The following CNTNAP2 variants were observed in gnomAD, a reference collection of about 807,000 sequenced individuals.
CNTNAP2 encodes the protein contactin-associated protein-like 2.
In CNTNAP2, 98 loss-of-function variants were observed where a neutral mutation model predicts 155.2. The ratio of observed to expected loss-of-function variants is 0.63; its 90% CI spans 0.54 to 0.75. The LOEUF is 0.75. Ranked by LOEUF, CNTNAP2 falls within the 30% of genes least tolerant of loss-of-function variation. The pLI, the probability that CNTNAP2 is intolerant of heterozygous loss-of-function variation, is 0.00. For missense variants in CNTNAP2, 1,727 were observed against 1,688.1 expected, an observed-to-expected ratio of 1.02 and a Z score of -0.40; for synonymous variants, 651 against 631.2, an observed-to-expected ratio of 1.03 and a Z score of -0.47.
intron 13 of CNTNAP2, among the ~76,000 whole-genome samples, chr7:147,675,208 C>T (rs1018941436): frequency 6.6e-6 from 1 of 151,990 alleles, no homozygotes; most frequent in Non-Finnish European, 1.5e-5. Flanking sequence ...TTCACAAGGC[C>T]TTCCATTCAG....
chr7:146,513,535 A>G (rs183494473), intron 1 of CNTNAP2, among the ~76,000 whole-genome samples: 1 of 150,110 alleles, frequency 6.7e-6, no homozygotes, highest in Admixed American at 6.6e-5. Flanking sequence ...ATTAACTTTG[A>G]TAACAAAGAA....
chr7:147,350,625 G>A (rs940720886), intron 9 of CNTNAP2, among the ~76,000 whole-genome samples: 2 of 151,792 alleles, frequency 1.3e-5, no homozygotes, highest in Admixed American at 1.3e-4. Context: ...AAGTCAATGA[G>A]TTTTTCTGCT....
intron 18 of CNTNAP2, among the ~76,000 whole-genome samples, chr7:148,187,143 C>A (rs1300486768): frequency 7.1e-6 from 1 of 141,744 alleles, no homozygotes; most frequent in Admixed American, 7.4e-5. Flanking sequence ...CACACACACA[C>A]ACACAAACAG....
At chr7:147,773,522 G>A (rs765712876) in intron 13 of CNTNAP2, among the ~76,000 whole-genome samples, 5 of 152,120 alleles carry the variant, frequency 3.3e-5, no homozygotes, top group Non-Finnish European at 5.9e-5. Flanking sequence ...TGAAATTAAA[G>A]ATAAATGTGC....
At chr7:146,590,503 C>T (rs568792347) in intron 1 of CNTNAP2, among the ~76,000 whole-genome samples, 1 of 152,082 alleles carries the variant, frequency 6.6e-6, no homozygotes, top group Non-Finnish European at 1.5e-5. Context: ...GAAAACTCCA[C>T]CCTCCAACTC....
chr7:146,829,723 G>T (rs537095262), intron 2 of CNTNAP2, among the ~76,000 whole-genome samples: 6 of 152,164 alleles, frequency 3.9e-5, no homozygotes, highest in African/African-American at 1.4e-4. Flanking sequence ...AAGAGTGGAA[G>T]ATGGAATTTA....
intron 8 of CNTNAP2, among the ~76,000 whole-genome samples, chr7:147,284,405 ACGGCTC>A (rs1168437221): frequency 6.6e-6 from 1 of 151,826 alleles, no homozygotes; most frequent in African/African-American, 2.4e-5. Flanking sequence ...AGTATATCAC[ACGGCTC>A]TCCTGTCTTA....
At chr7:147,653,031 T>A (rs1186751807) in intron 13 of CNTNAP2, among the ~76,000 whole-genome samples, 1 of 152,186 alleles carries the variant, frequency 6.6e-6, no homozygotes, top group Non-Finnish European at 1.5e-5. Flanking sequence ...TATAACAATT[T>A]GTTTGAAATG....
chr7:148,028,845 A>G (rs1340870935), intron 15 of CNTNAP2, among the ~76,000 whole-genome samples: 2 of 152,146 alleles, frequency 1.3e-5, no homozygotes, highest in Non-Finnish European at 2.9e-5. Flanking sequence ...ATTCTACAGT[A>G]TGAAGCCGTG....
intron 13 of CNTNAP2, among the ~76,000 whole-genome samples, chr7:147,696,131 A>G (rs569151194): frequency 4.6e-5 from 7 of 152,290 alleles, no homozygotes; most frequent in Non-Finnish European, 8.8e-5. Context: ...ATTCAGTCTG[A>G]CAATCTCTGT....
intron 9 of CNTNAP2, among the ~76,000 whole-genome samples, chr7:147,307,901 T>C (rs1005627267): frequency 4.6e-5 from 7 of 152,198 alleles, no homozygotes; most frequent in Non-Finnish European, 1.0e-4. Flanking sequence ...GCATTATTGT[T>C]CATGTTGAGG....
At chr7:147,324,460 G>A (rs1204098843) in intron 9 of CNTNAP2, among the ~76,000 whole-genome samples, 3 of 152,056 alleles carry the variant, frequency 2.0e-5, no homozygotes, top group Non-Finnish European at 2.9e-5. Context: ...AATCCATTCA[G>A]CCTTATGTTT....
chr7:147,932,196 T>C (rs750597943), intron 14 of CNTNAP2, among the ~76,000 whole-genome samples: 3 of 152,148 alleles, frequency 2.0e-5, no homozygotes, highest in Admixed American at 6.5e-5. Flanking sequence ...CAGCATTTTT[T>C]ACAGAAATAG....
intron 3 of CNTNAP2, among the ~76,000 whole-genome samples, chr7:146,996,541 T>A (rs757508860): frequency 1.7e-4 from 26 of 152,238 alleles, no homozygotes; most frequent in Non-Finnish European, 2.9e-4. Context: ...CACTACTGAT[T>A]TTGATTTTTG....
chr7:146,722,062 G>C (rs1179684261), intron 1 of CNTNAP2, among the ~76,000 whole-genome samples: 1 of 150,034 alleles, frequency 6.7e-6, no homozygotes, highest in Non-Finnish European at 1.5e-5. Flanking sequence ...TAGTTTTTTT[G>C]TATTTTTAGT....
chr7:148,035,693 G>A (rs1367187272), intron 15 of CNTNAP2, among the ~76,000 whole-genome samples: 2 of 152,168 alleles, frequency 1.3e-5, no homozygotes, highest in African/African-American at 4.8e-5. Flanking sequence ...CCACTATGGC[G>A]ATGCCTGGTG....
chr7:146,810,616 C>T (rs1377570494), intron 2 of CNTNAP2, among the ~76,000 whole-genome samples: 1 of 141,152 alleles, frequency 7.1e-6, no homozygotes, highest in Non-Finnish European at 1.5e-5. Context: ...AATTAGGATG[C>T]TTTCTATCTG....
chr7:147,921,166 T>A (rs2076947940), intron 14 of CNTNAP2, among the ~76,000 whole-genome samples: 1 of 152,156 alleles, frequency 6.6e-6, no homozygotes, highest in African/African-American at 2.4e-5. Context: ...AGACGTTATT[T>A]ATTTTTTATT....
chr7:146,309,386 A>G (rs1443426736), intron 1 of CNTNAP2, among the ~76,000 whole-genome samples: 2 of 152,096 alleles, frequency 1.3e-5, no homozygotes, highest in African/African-American at 2.4e-5. Flanking sequence ...ACAGAGGTGC[A>G]TTTTCTCATC....
Sources: allele counts gnomAD v4.1 joint callset (sites outside exome capture counted in the v4.1 genomes callset), GRCh38; gene constraint gnomAD v4.1.1; transcripts MANE v1.5; gene names NCBI Gene and HGNC (gene_info 2026-07-23, HGNC 2026-07-21).